The following CRMP1 variants were observed in gnomAD, a reference collection of about 807,000 sequenced individuals.
The protein encoded by CRMP1 is dihydropyrimidinase-related protein 1.
CRMP1 carries 19 observed loss-of-function variants against 68.3 expected under a neutral mutation model. The ratio of observed to expected loss-of-function variants is 0.28; its 90% CI spans 0.19 to 0.41. CRMP1 has a LOEUF of 0.41. Ranked by LOEUF, CRMP1 falls within the 10% of genes least tolerant of loss-of-function variation. The probability of loss-of-function intolerance (pLI) is 1.00; values close to 1 mark genes in which losing one functional copy is unlikely to be tolerated. For missense variants in CRMP1, 791 were observed against 967.4 expected, an observed-to-expected ratio of 0.82 and a Z score of 2.42; for synonymous variants, 439 against 399.6, an observed-to-expected ratio of 1.10 and a Z score of -1.18.
In CRMP1 at chr4:5,839,559, G is replaced by T; in HGVS notation, c.1273C>A (p.Pro425Thr). Residue 425 changes from proline (P) to threonine (T), a missense_variant, in exon 9 of 14, where the codon CCT becomes ACT. This residue lies in a region of CRMP1 where 594 missense variants were observed against 763.6 expected (regional missense o/e 0.78). Coordinates refer to ENST00000324989, the MANE Select transcript of CRMP1 (RefSeq NM_001014809.3). Reference sequence around the variant, plus strand: ...GAGGTCAAGTAGTCGGGCGTGGTAGGGTCCGGGCTCAGGGGAGGGGAAGTC... The same window carrying T: ...GAGGTCAAGTAGTCGGGCGTGGTAGTGTCCGGGCTCAGGGGAGGGGAAGTC... ...FVTSPPLSPD[P>T]TTPDYLTSLL... The T allele has an allele frequency of 6.2e-7, 1 of 1,612,042 alleles. No individual in the cohort carries two copies. Among genetic ancestry groups the T allele is most frequent in the Non-Finnish European group, 8.5e-7 (1 of 1,179,204 alleles).
At chr4:5,869,532 A>G (rs1449235909) in intron 1 of CRMP1, among the ~76,000 whole-genome samples, 3 of 151,938 alleles carry the variant, frequency 2.0e-5, no homozygotes, top group African/African-American at 7.3e-5. Context: ...AATACAAAAA[A>G]AATTAGCCAG....
intron 11 of CRMP1, among the ~76,000 whole-genome samples, chr4:5,835,076 T>A (rs1238427688): frequency 1.3e-5 from 2 of 152,102 alleles, no homozygotes; most frequent in Non-Finnish European, 2.9e-5. Flanking sequence ...CCATACTCCT[T>A]CTCCAGTATG....
chr4:5,888,210 G>C lies in CRMP1; in HGVS notation c.381+4379C>G. 1 of 1,261,220 alleles carries C rather than the reference G, an allele frequency of 7.9e-7. No homozygotes were observed. Among genetic ancestry groups the C allele is most frequent in the South Asian group, 3.6e-5 (1 of 28,068 alleles). 78.1% of individuals were successfully genotyped at this position (1,261,220 alleles called of 1,614,324 possible). A position where few individuals can be genotyped will look rare whatever the true frequency, so the allele number is the denominator to read the frequency against. Reference sequence around the variant, plus strand: ...CCACAAAGGCCAGCGCGGGGCGGCGGGGGCGGGGGCCGCTTACCGTGATGT... The same window carrying C: ...CCACAAAGGCCAGCGCGGGGCGGCGCGGGCGGGGGCCGCTTACCGTGATGT... On this transcript the variant is annotated intron_variant, in intron 1 of 13. Transcript: ENST00000324989. This position sits in a 1 kb window ranked among gnomAD's most constrained non-coding sequence, Gnocchi z 6.4.
At chr4:5,886,297 G>A (rs1715580087) in intron 1 of CRMP1, among the ~76,000 whole-genome samples, 1 of 152,208 alleles carries the variant, frequency 6.6e-6, no homozygotes, top group South Asian at 2.1e-4. Context: ...TTGTTTCACA[G>A]GAAGAACTAA....
rs543767657 is a variant in CRMP1, at chr4:5,883,232, T to TTTCCTTCCTTCCTTCCTTCCTTCCTTCC, written c.381+9329_381+9356dup. Among the ~76,000 whole-genome samples the TTTCCTTCCTTCCTTCCTTCCTTCCTTCC allele has an allele frequency of 2.6e-4, 29 of 112,370 alleles. 1 individual carries two copies. Among genetic ancestry groups the TTTCCTTCCTTCCTTCCTTCCTTCCTTCC allele is most frequent in the African/African-American group, 7.8e-4 (26 of 33,500 alleles). 73.7% of individuals were successfully genotyped at this position (112,370 alleles called of 152,430 possible). ...GTGCCCTGTTCCGCAGCCTGCCTGC[T>TTTCCTTCCTTCCTTCCTTCCTTCCTTCC]TTCCTTCCTTCCTTCCTTCCTTCCT... is the stretch of plus-strand genomic sequence containing the variant. On this transcript the variant is annotated intron_variant, in intron 1 of 13. Transcript: ENST00000324989. This position sits in a 1 kb window ranked among gnomAD's most constrained non-coding sequence, Gnocchi z 4.5.
At chr4:5,867,365 C>T (rs980315623) in intron 1 of CRMP1, among the ~76,000 whole-genome samples, 2 of 152,052 alleles carry the variant, frequency 1.3e-5, no homozygotes, top group Non-Finnish European at 2.9e-5. Context: ...CAATGTCATT[C>T]GTTTGTTGAA....
intron 6 of CRMP1, among the ~76,000 whole-genome samples, chr4:5,848,930 A>G (rs931629217): frequency 6.6e-6 from 1 of 152,224 alleles, no homozygotes; most frequent in Non-Finnish European, 1.5e-5. Context: ...TACCATCAAC[A>G]TACTAGCTTG....
Position 5,861,289 on chromosome 4 carries a change from T to C in CRMP1, c.471-79A>G, listed in dbSNP as rs1238989039. ...CAGTCAACCCGCAGCTTCAGTTCCA[T>C]GAAATAAACATTTCTGAGCCAGGCC... On this transcript the variant is annotated intron_variant, in intron 2 of 13. Coordinates refer to ENST00000324989, the MANE Select transcript of CRMP1 (RefSeq NM_001014809.3). The surrounding 1 kb of genome is among the most constrained non-coding windows in gnomAD (Gnocchi z 6.0). 2.1e-6 allele frequency: 3 copies of C among 1,434,276 alleles called. No homozygotes were observed. The highest frequency in any genetic ancestry group is 2.9e-6 in the Non-Finnish European group (3 of 1,046,382). The allele number at this position is 1,434,276 out of a possible 1,614,324, so 88.8% of individuals were successfully genotyped here.
rs1317157315 is a variant in CRMP1 at position 5,825,016 on chromosome 4, G to A, written c.1969+478C>T. On this transcript the variant is annotated intron_variant, in intron 13 of 13. Coordinates refer to ENST00000324989, the MANE Select transcript of CRMP1 (RefSeq NM_001014809.3). The surrounding 1 kb of genome is among the most constrained non-coding windows in gnomAD (Gnocchi z 4.4). ...TCCGTTTCCTCTTTAAATAAATAGG[G>A]TATAATGTTACTTTATGGAGTAGTG... The A allele has an allele frequency of 1.0e-6, 1 of 984,830 alleles. No individual in the cohort carries two copies. Among genetic ancestry groups the A allele is most frequent in the Admixed American group, 6.2e-5 (1 of 16,252 alleles). 61.0% of individuals were successfully genotyped at this position (984,830 alleles called of 1,614,324 possible).
intron 8 of CRMP1, among the ~76,000 whole-genome samples, chr4:5,839,948 T>A (rs527605442): frequency 6.6e-6 from 1 of 152,356 alleles, no homozygotes; most frequent in South Asian, 2.1e-4. Context: ...CTGTTGCTTT[T>A]ACGATTTGGA....
chr4:5,852,863 G>A (rs1712764522), intron 4 of CRMP1, among the ~76,000 whole-genome samples: 1 of 152,164 alleles, frequency 6.6e-6, no homozygotes, highest in Admixed American at 6.5e-5. Flanking sequence ...GTACAGCTCA[G>A]CACGAACAGG....
At chr4:5,828,024 G>C in intron 12 of CRMP1, 1 of 984,750 alleles carries the variant, frequency 1.0e-6, no homozygotes, top group Non-Finnish European at 1.2e-6. Flanking sequence ...AAGAAAGGGC[G>C]GATCTGAAGG....
rs1398320442 is a variant in CRMP1 at position 5,838,617 on chromosome 4, A to G, written c.1310+905T>C. 2.6e-5 allele frequency among the ~76,000 whole-genome samples: 4 copies of G among 152,076 alleles called. No homozygotes were observed. The highest frequency in any genetic ancestry group is 9.7e-5 in the African/African-American group (4 of 41,390). ...GCAAGACTGTGGGACTAGCAGCTTT[A>G]TGGGGGAAGATCTGCAGTTCTTTGT... On this transcript the variant is annotated intron_variant, in intron 9 of 13. Transcript: ENST00000324989. The surrounding 1 kb of genome is among the most constrained non-coding windows in gnomAD (Gnocchi z 4.9).
rs141792812 is a variant in CRMP1, at chr4:5,827,620, GCACA to G, written c.1803+865_1803+868del. Among the ~76,000 whole-genome samples, 1,057 of 151,496 alleles carry G rather than the reference GCACA, an allele frequency of 7.0e-3. 20 individuals are homozygous for G. The highest frequency in any genetic ancestry group is 0.024 in the African/African-American group (975 of 41,294). ...ACCACATGCTCGCATACACACACGC[GCACA>G]CACACACACTCCAACACACGCACAC... On this transcript the variant is annotated intron_variant, in intron 12 of 13. Transcript: ENST00000324989.
intron 1 of CRMP1, among the ~76,000 whole-genome samples, chr4:5,886,068 G>A (rs1269427258): frequency 6.6e-6 from 1 of 152,228 alleles, no homozygotes; most frequent in African/African-American, 2.4e-5. Flanking sequence ...CCCCATTCAA[G>A]TGGATCCTCT....
At chr4:5,885,415 A>G (rs1715512676) in intron 1 of CRMP1, among the ~76,000 whole-genome samples, 2 of 152,136 alleles carry the variant, frequency 1.3e-5, no homozygotes, top group Non-Finnish European at 2.9e-5. Flanking sequence ...CCCATGAACC[A>G]CACTTGATCC....
chr4:5,875,682 C>A (rs1034547527), intron 1 of CRMP1, among the ~76,000 whole-genome samples: 2 of 152,226 alleles, frequency 1.3e-5, no homozygotes, highest in Admixed American at 6.5e-5. Flanking sequence ...TCTGAAAGTT[C>A]CAGGTACTGT....
At chr4:5,824,536 C>T (rs983183881) in intron 13 of CRMP1, 102 of 984,390 alleles carry the variant, frequency 1.0e-4, no homozygotes, top group Non-Finnish European at 1.2e-4. Context: ...CTAAGCATAT[C>T]GCCTTTCCTG....
chr4:5,828,675 C>T lies in CRMP1; in HGVS notation c.1624-7G>A. On this transcript the variant is annotated splice_region_variant and splice_polypyrimidine_tract_variant and intron_variant, in intron 11 of 13. Coordinates refer to ENST00000324989, the MANE Select transcript of CRMP1 (RefSeq NM_001014809.3). ...AGATGTTGTACTCCACCGCCTGCAC[C>T]AACAGCCTCAGTGTTACTTCCCAGG... is the stretch of plus-strand genomic sequence containing the variant. 1 of 1,612,786 alleles carries T rather than the reference C, an allele frequency of 6.2e-7. No homozygotes were observed. Among genetic ancestry groups the T allele is most frequent in the Non-Finnish European group, 8.5e-7 (1 of 1,178,946 alleles).
Sources: gnomAD v4.1 joint callset for allele counts (sites outside exome capture counted in the v4.1 genomes callset) on GRCh38, gnomAD v4.1.1 for gene constraint, gnomAD v4.1.1 regional missense constraint, Gnocchi (gnomAD v3.1) non-coding constraint, MANE v1.5 for transcripts, NCBI Gene and HGNC (gene_info 2026-07-23, HGNC 2026-07-21) for gene names.